Variants in RBFOX1 observed in about 807,000 individuals in gnomAD.
RBFOX1 encodes RNA binding fox-1 homolog 1.
RBFOX1 carries 8 observed loss-of-function variants against 57.7 expected under a neutral mutation model. The observed-to-expected ratio is 0.14, with a 90% CI of 0.08 to 0.25. The LOEUF (loss-of-function observed/expected upper bound fraction) is 0.25, where lower values mean the gene tolerates loss of function less well. Among genes scored for constraint, RBFOX1 ranks in the 10% least tolerant of loss-of-function variants. The pLI, the probability that RBFOX1 is intolerant of heterozygous loss-of-function variation, is 1.00. For missense variants in RBFOX1, 611 were observed against 548.5 expected (o/e 1.11, Z -1.14); for synonymous variants, 326 against 222.4 (o/e 1.47, Z -4.15).
In RBFOX1 at chr16:7,353,653, G is replaced by A. The variant is rs149564951; in HGVS notation, c.28-164494G>A. 2.7e-4 allele frequency among the ~76,000 whole-genome samples: 41 copies of A among 152,328 alleles called. No homozygotes were observed. In the East Asian group the frequency reaches 7.5e-3, roughly 28 times the overall value. ...AAAATGAAATGATGTCTTACATGCT[G>A]TAGTGTGGATGAACCTTGAGAATGT... On this transcript the variant is annotated intron_variant, in intron 4 of 15. Coordinates refer to ENST00000550418, the MANE Select transcript of RBFOX1 (RefSeq NM_018723.4).
At chr16:7,204,309 G>T (rs560124446) in intron 4 of RBFOX1, among the ~76,000 whole-genome samples, 1 of 152,164 alleles carries the variant, frequency 6.6e-6, no homozygotes, top group African/African-American at 2.4e-5. Flanking sequence ...TCTGAGGGAG[G>T]ACAGGATTGC....
intron 2 of RBFOX1, among the ~76,000 whole-genome samples, chr16:5,525,904 C>T (rs72761072): frequency 3.3e-5 from 5 of 152,198 alleles, no homozygotes; most frequent in Admixed American, 6.5e-5. Context: ...ATAAAAACAT[C>T]GAAGGCTAGT....
intron 1 of RBFOX1, among the ~76,000 whole-genome samples, chr16:5,389,185 C>T (rs572496434): frequency 9.9e-5 from 13 of 130,978 alleles, no homozygotes; most frequent in Admixed American, 2.3e-4. Flanking sequence ...AGCGAGACTC[C>T]GTCTCAAAAA....
chr16:7,673,798 C>T (rs776627097), intron 13 of RBFOX1, among the ~76,000 whole-genome samples: 2 of 152,114 alleles, frequency 1.3e-5, no homozygotes, highest in South Asian at 2.1e-4. Context: ...TGAATGGGAG[C>T]GTAGAACTAT....
At chr16:6,946,114 T>C (rs181800885) in intron 3 of RBFOX1, among the ~76,000 whole-genome samples, 3 of 152,352 alleles carry the variant, frequency 2.0e-5, no homozygotes, top group Non-Finnish European at 4.4e-5. Flanking sequence ...GCTTTATAAA[T>C]AACCCAGTTT....
intron 6 of RBFOX1, among the ~76,000 whole-genome samples, chr16:7,585,615 G>C (rs554900902): frequency 2.6e-5 from 4 of 152,294 alleles, no homozygotes; most frequent in South Asian, 4.1e-4. Flanking sequence ...CTATGGCACA[G>C]AATGACAAAC....
chr16:7,612,635 G>A (rs2057734819), intron 10 of RBFOX1, among the ~76,000 whole-genome samples: 1 of 151,822 alleles, frequency 6.6e-6, no homozygotes, highest in Non-Finnish European at 1.5e-5. Context: ...ATTTTTAAAA[G>A]CAGTATCTTC....
At chr16:5,902,606 G>A (rs963197719) in intron 4 of RBFOX1, among the ~76,000 whole-genome samples, 1 of 152,016 alleles carries the variant, frequency 6.6e-6, no homozygotes, top group African/African-American at 2.4e-5. Flanking sequence ...AGTAGAGACA[G>A]GATTTCACTA....
chr16:6,686,443 C>T (rs149129606), intron 3 of RBFOX1, among the ~76,000 whole-genome samples: 1 of 152,184 alleles, frequency 6.6e-6, no homozygotes, highest in Admixed American at 6.5e-5. Context: ...CCGTTGTACT[C>T]ACAACGCAGC....
chr16:5,739,636 TA>T (rs1287780126), intron 3 of RBFOX1, among the ~76,000 whole-genome samples: 1 of 152,196 alleles, frequency 6.6e-6, no homozygotes, highest in Non-Finnish European at 1.5e-5. Context: ...GACGGATGTT[TA>T]AAAAAACTTA....
At chr16:5,444,543 G>A (rs1040408641) in intron 1 of RBFOX1, among the ~76,000 whole-genome samples, 6 of 152,174 alleles carry the variant, frequency 3.9e-5, no homozygotes, top group South Asian at 4.1e-4. Flanking sequence ...TTGCGCCACC[G>A]ATCGGCTGTA....
chr16:7,677,443 A>C (rs956283576), intron 14 of RBFOX1, among the ~76,000 whole-genome samples: 2 of 152,136 alleles, frequency 1.3e-5, no homozygotes, highest in African/African-American at 4.8e-5. Context: ...TGTACACCAC[A>C]TGTTAAGGCA....
At chr16:5,264,945 A>G (rs1321648307) in intron 1 of RBFOX1, among the ~76,000 whole-genome samples, 1 of 152,148 alleles carries the variant, frequency 6.6e-6, no homozygotes, top group Non-Finnish European at 1.5e-5. Context: ...ACCAAGATTT[A>G]GGAGTTGTTA....
intron 1 of RBFOX1, among the ~76,000 whole-genome samples, chr16:6,176,510 T>C (rs2097011619): frequency 6.6e-6 from 1 of 151,902 alleles, no homozygotes; most frequent in Non-Finnish European, 1.5e-5. Context: ...CTTCTCATTG[T>C]AAGAGGAGGC....
chr16:6,867,290 C>T (rs1281609081), intron 3 of RBFOX1, among the ~76,000 whole-genome samples: 3 of 151,902 alleles, frequency 2.0e-5, no homozygotes, highest in Non-Finnish European at 2.9e-5. Flanking sequence ...GAGGAGAGAT[C>T]CATCCATATT....
chr16:7,470,512 G>T (rs1302375987), intron 4 of RBFOX1, among the ~76,000 whole-genome samples: 1 of 151,962 alleles, frequency 6.6e-6, no homozygotes, highest in Non-Finnish European at 1.5e-5. Flanking sequence ...TGGTTGGATG[G>T]ATGGAGGGAT....
chr16:5,423,760 CT>C (rs1318027007), intron 1 of RBFOX1, among the ~76,000 whole-genome samples: 2 of 152,134 alleles, frequency 1.3e-5, no homozygotes, highest in African/African-American at 4.8e-5. Context: ...GAAATTGGCT[CT>C]TTTTATAAAT....
intron 1 of RBFOX1, among the ~76,000 whole-genome samples, chr16:6,055,188 C>A (rs1358680448): frequency 6.6e-6 from 1 of 151,952 alleles, no homozygotes; most frequent in Non-Finnish European, 1.5e-5. Context: ...TGCTGTCCAA[C>A]GGAATTATTA....
At chr16:5,909,090 C>T (rs2343343) in intron 4 of RBFOX1, among the ~76,000 whole-genome samples, 21,364 of 116,524 alleles carry the variant, frequency 0.18, 3,843 homozygotes, top group African/African-American at 0.46. Flanking sequence ...CTAAGCCCCC[C>T]TTTTTTTTTT....
Sources: gnomAD v4.1 joint callset for allele counts (sites outside exome capture counted in the v4.1 genomes callset) on GRCh38, gnomAD v4.1.1 for gene constraint, MANE v1.5 for transcripts, NCBI Gene and HGNC (gene_info 2026-07-23, HGNC 2026-07-21) for gene names.